TBC1D17: variants seen among roughly 807,000 people sequenced by gnomAD.
The protein encoded by TBC1D17 is TBC1 domain family, member 17.
In TBC1D17, 69 loss-of-function variants were observed where a neutral mutation model predicts 78.8. The observed-to-expected ratio is 0.88, with a 90% CI of 0.72 to 1.07. TBC1D17 has a LOEUF of 1.07. Among genes scored for constraint, TBC1D17 ranks in the 50% least tolerant of loss-of-function variants. The pLI is 0.00. For synonymous variants in TBC1D17, 456 were observed against 358.3 expected, an observed-to-expected ratio of 1.27 and a Z score of -3.08; for missense variants, 957 against 861.0, an observed-to-expected ratio of 1.11 and a Z score of -1.39.
chr19:49,883,512 A>G (rs2075033838), intron 9 of TBC1D17, 139 bp from the exon 10 acceptor site: 1 of 659,652 alleles, frequency 1.5e-6, no homozygotes, highest in Non-Finnish European at 2.7e-6. Context: ...AGTGGCAAGA[A>G]TGACGAGGTG....
Position 49,881,349 on chromosome 19 carries a change from CAGGCCT to C in TBC1D17, c.402_407del (p.Gly135_Leu136del). 2 of 1,613,390 alleles carry C rather than the reference CAGGCCT, an allele frequency of 1.2e-6. No individual in the cohort carries two copies. Among genetic ancestry groups the C allele is most frequent in the Non-Finnish European group, 1.7e-6 (2 of 1,180,002 alleles). On this transcript the variant is annotated inframe_deletion, in exon 5 of 17. Coordinates refer to ENST00000221543, the MANE Select transcript of TBC1D17 (RefSeq NM_024682.3). ...CTAAAGTCCATCCGCCGCTCCAAGC[CAGGCCT>C]CAGCTGGGCCTACCTGGTTCTGGTG...
chr19:49,887,909 G>A, intron 15 of TBC1D17, 75 bp downstream of exon 15: 7 of 1,270,644 alleles, frequency 5.5e-6, no homozygotes, highest in Non-Finnish European at 7.7e-6. Flanking sequence ...CCTCCGGGGA[G>A]CAGGTGTTTA....
Position 49,888,328 on chromosome 19 carries a change from G to A in TBC1D17, c.1746+11G>A, listed in dbSNP as rs756815942. 3.3e-6 allele frequency: 5 copies of A among 1,535,450 alleles called. No homozygotes were observed. The highest frequency in any genetic ancestry group is 3.5e-6 in the Non-Finnish European group (4 of 1,138,322). On this transcript the variant is annotated intron_variant, in intron 16 of 16. Transcript: ENST00000221543. ...CTAACCGCCTGCCCCGTGAGTCCCC[G>A]TCCGCCCCGCAGCGCCCCGCCCGAA...
intron 9 of TBC1D17, 95 bp downstream of exon 9, chr19:49,883,171 G>C: frequency 2.6e-6 from 3 of 1,138,562 alleles, no homozygotes; most frequent in Non-Finnish European, 3.8e-6. Flanking sequence ...TTGTGAACCT[G>C]CTGTATCTGG....
intron 8 of TBC1D17, 21 bp from the exon 9 acceptor site, chr19:49,882,952 C>T (rs369007047): frequency 1.9e-6 from 3 of 1,600,570 alleles, no homozygotes; most frequent in South Asian, 1.1e-5. Flanking sequence ...CACTGAGCTG[C>T]CTGCCCTCCT....
chr19:49,887,380 G>T, intron 13 of TBC1D17, 96 bp from the exon 14 acceptor site: 1 of 1,304,926 alleles, frequency 7.7e-7, no homozygotes, highest in Non-Finnish European at 1.1e-6. Flanking sequence ...TAAGTCACTT[G>T]CCTAGACTTG....
Position 49,885,733 on chromosome 19 carries a change from G to A in TBC1D17, c.1444+975G>A, listed in dbSNP as rs971361807. Among the ~76,000 whole-genome samples, 4 of 152,086 alleles carry A rather than the reference G, an allele frequency of 2.6e-5. 1 individual carries two copies. In the South Asian group the frequency reaches 6.2e-4, roughly 24 times the overall value. ...CACGCCTGTAATCCCAGCACTTTGG[G>A]AGGCCAGGCAGGTGGATCACTTGAG... On this transcript the variant is annotated intron_variant, in intron 13 of 16. Transcript: ENST00000221543.
At position 49,886,141 on chromosome 19, in the gene TBC1D17, G is replaced by GA. The variant is rs1482729211; in HGVS notation, c.1445-1335_1445-1334insA. On this transcript the variant is annotated intron_variant, in intron 13 of 16. Coordinates refer to ENST00000221543, the MANE Select transcript of TBC1D17 (RefSeq NM_024682.3). The stretch of plus-strand genomic sequence containing the variant: ...CTAAAAATACAAAAATTAGCCGGGG[G>GA]TGGTGGCGAGCACCTGTAATCCCAG... 2.5e-4 allele frequency among the ~76,000 whole-genome samples: 38 copies of GA among 152,068 alleles called. No individual in the cohort carries two copies. The East Asian group carries it at 6.8e-3, about 27-fold the overall frequency.
intron 1 of TBC1D17, 169 bp from the exon 2 acceptor site, chr19:49,877,974 C>A (rs971926456): frequency 1.4e-6 from 1 of 717,122 alleles, no homozygotes. Context: ...GTGGAACGCA[C>A]GTCAGCATCC....
In TBC1D17 at chr19:49,882,349, T is replaced by G. The variant is rs1332111450; in HGVS notation, c.747T>G (p.Leu249=). Residue 249 remains leucine (L), a synonymous_variant, in exon 7 of 17, where the codon CTT becomes CTG. Coordinates refer to ENST00000221543, the MANE Select transcript of TBC1D17 (RefSeq NM_024682.3). ...QPQPEGAASD[L]PPPPDDEPEP... ...AGCCTGAGGGAGCCGCCTCCGACCT[T>G]CCCCCGCCACCCGACGATGAGCCCG... 1.2e-6 allele frequency: 2 copies of G among 1,609,266 alleles called. No homozygotes were observed. The highest frequency in any genetic ancestry group is 2.2e-5 in the South Asian group (2 of 91,068).
Position 49,888,666 on chromosome 19 carries a change from A to G in TBC1D17, c.*42A>G, listed in dbSNP as rs1284431916. On this transcript the variant is annotated 3_prime_UTR_variant, in exon 17 of 17. Transcript: ENST00000221543. ...CGTTCTGCACAGGCACTTTAGCCCG[A>G]GCCAGGCACACCTGCGAGGGGGCAG... The G allele has an allele frequency of 6.7e-7, 1 of 1,493,298 alleles. No individual in the cohort carries two copies. The highest frequency in any genetic ancestry group is 8.9e-7 in the Non-Finnish European group (1 of 1,121,052). 92.5% of individuals were successfully genotyped at this position (1,493,298 alleles called of 1,614,324 possible). A position where few individuals can be genotyped will look rare whatever the true frequency, so the allele number is the denominator to read the frequency against.
intron 5 of TBC1D17, 87 bp downstream of exon 5, chr19:49,881,562 C>A: frequency 3.1e-6 from 4 of 1,280,456 alleles, no homozygotes; most frequent in Non-Finnish European, 4.3e-6. Flanking sequence ...GAAAGAAACA[C>A]AACTCACACT....
rs869304210 is a variant in TBC1D17 at position 49,878,129 on chromosome 19, T to TC, written c.22-8dup. 7 of 1,566,468 alleles carry TC rather than the reference T, an allele frequency of 4.5e-6. No individual in the cohort carries two copies. Among genetic ancestry groups the TC allele is most frequent in the Non-Finnish European group, 4.3e-6 (5 of 1,156,000 alleles). ...CGCTTGGGCCCCAGCCCTCGCTGGTTCCCCCCAACTCAGGTGGTGTTTGAG... is the reference window on the plus strand; with the variant it reads ...CGCTTGGGCCCCAGCCCTCGCTGGTTCCCCCCCAACTCAGGTGGTGTTTGAG... On this transcript the variant is annotated splice_polypyrimidine_tract_variant and intron_variant, in intron 1 of 16. Coordinates refer to ENST00000221543, the MANE Select transcript of TBC1D17 (RefSeq NM_024682.3).
rs750720897 is a variant in TBC1D17 at position 49,887,555 on chromosome 19, T to C, written c.1524T>C (p.Asp508=). 1.2e-6 allele frequency: 2 copies of C among 1,614,188 alleles called. No homozygotes were observed. Among genetic ancestry groups the C allele is most frequent in the Non-Finnish European group, 1.7e-6 (2 of 1,180,020 alleles). ...IWFKREFPFP[D]VLRLWEVLWT... ...TCAAGAGGGAATTCCCCTTCCCGGA[T>C]GTCCTTCGGCTGTGGGAGGTGGGCC... The change falls in exon 14 of 17, where the codon GAT becomes GAC. Residue 508 remains aspartate (D), a synonymous_variant. Transcript: ENST00000221543.
chr19:49,888,270 G>A lies in TBC1D17; in HGVS notation c.1699G>A (p.Val567Met). ...GACTATGAAGCTGAGCGTGGAGGAC[G>A]TGCTGACCCGCGCCGAGGCCCTGCA... ...ELTMKLSVEDVLTRAEALHRQ... is the reference protein window; with the variant it reads ...ELTMKLSVEDMLTRAEALHRQ... The change falls in exon 16 of 17, where the codon GTG becomes ATG. Residue 567 changes from valine to methionine, a missense_variant. Coordinates refer to ENST00000221543, the MANE Select transcript of TBC1D17 (RefSeq NM_024682.3). The A allele has an allele frequency of 1.3e-6, 2 of 1,593,830 alleles. No homozygotes were observed. Among genetic ancestry groups the A allele is most frequent in the Non-Finnish European group, 8.5e-7 (1 of 1,171,080 alleles).
intron 5 of TBC1D17, 70 bp downstream of exon 5, chr19:49,881,545 G>A: frequency 6.8e-7 from 1 of 1,461,068 alleles, no homozygotes; most frequent in Non-Finnish European, 9.3e-7. Context: ...TGACCCCTCG[G>A]GGCTGTGAAA....
chr19:49,878,432 G>T, intron 2 of TBC1D17, 66 bp from the exon 3 acceptor site: 1 of 1,497,678 alleles, frequency 6.7e-7, no homozygotes, highest in Non-Finnish European at 9.3e-7. Flanking sequence ...TTGGAAATTT[G>T]CAACGGAAAG....
intron 13 of TBC1D17, chr19:49,887,257 TG>T (rs984024063): frequency 3.2e-5 from 18 of 554,552 alleles, no homozygotes; most frequent in African/African-American, 2.8e-4. Context: ...TCCATGTCCA[TG>T]GCAGATGTGG....
chr19:49,882,310 T>G lies in TBC1D17; in HGVS notation c.708T>G (p.Gly236=), dbSNP rs777129137. The stretch of plus-strand genomic sequence containing the variant: ...CCCGAGTGACCAACTTCTTCCGGGG[T>G]GCCCTGCAGCCACAGCCTGAGGGAG... ...SFSRVTNFFR[G]ALQPQPEGAA... Residue 236 remains glycine, a synonymous_variant, in exon 7 of 17, where the codon GGT becomes GGG. Coordinates refer to ENST00000221543, the MANE Select transcript of TBC1D17 (RefSeq NM_024682.3). 6.2e-7 allele frequency: 1 copy of G among 1,611,880 alleles called. No individual in the cohort carries two copies. The highest frequency in any genetic ancestry group is 8.5e-7 in the Non-Finnish European group (1 of 1,179,982).
Sources: allele counts gnomAD v4.1 joint callset (sites outside exome capture counted in the v4.1 genomes callset), GRCh38; gene constraint gnomAD v4.1.1; transcripts MANE v1.5; gene names NCBI Gene and HGNC (gene_info 2026-07-23, HGNC 2026-07-21).